Variants in KANSL3 observed in about 807,000 individuals in gnomAD.
KANSL3 encodes KAT8 regulatory NSL complex subunit 3.
A neutral mutation model predicts 89.2 loss-of-function variants in KANSL3; 16 were observed. The ratio of observed to expected loss-of-function variants is 0.18; its 90% CI spans 0.12 to 0.27. The LOEUF (loss-of-function observed/expected upper bound fraction) is 0.27. Among genes scored for constraint, KANSL3 ranks in the 10% least tolerant of loss-of-function variants. The pLI is 1.00. For missense variants in KANSL3, 879 were observed against 1,110.6 expected, an observed-to-expected ratio of 0.79 and a Z score of 2.96; for synonymous variants, 385 against 419.7, an observed-to-expected ratio of 0.92 and a Z score of 1.01.
chr2:96,631,244 T>TCCTAATAA, intron 3 of KANSL3, 68 bp downstream of exon 3: 1 of 1,130,404 alleles, frequency 8.8e-7, no homozygotes, highest in Non-Finnish European at 1.3e-6. Flanking sequence ...TCCTAATAAG[T>TCCTAATAA]GTTATTTCAA....
At chr2:96,628,088 G>C (rs2072727322) in intron 3 of KANSL3, 2 of 1,290,174 alleles carry the variant, frequency 1.6e-6, no homozygotes, top group African/African-American at 1.5e-5. Flanking sequence ...AAGGAGACTG[G>C]AGAAAGATAA....
At chr2:96,625,365 G>C (rs1240509608) in intron 3 of KANSL3, among the ~76,000 whole-genome samples, 2 of 152,180 alleles carry the variant, frequency 1.3e-5, no homozygotes, top group Non-Finnish European at 2.9e-5. Context: ...GTTAAGCAAC[G>C]AATACAATTT....
At chr2:96,605,757 C>T in intron 14 of KANSL3, 2 of 304,470 alleles carry the variant, frequency 6.6e-6, no homozygotes, top group Non-Finnish European at 1.2e-5. Context: ...TCATCCTGCA[C>T]TGGAATCGGA....
chr2:96,628,551 GTTCC>G, intron 3 of KANSL3: 1 of 165,236 alleles, frequency 6.1e-6, no homozygotes. Context: ...GGAGGTTAAG[GTTCC>G]CACCCGGGAG....
At chr2:96,606,721 T>C (rs1052418738) in intron 14 of KANSL3, 6 of 273,460 alleles carry the variant, frequency 2.2e-5, no homozygotes, top group Non-Finnish European at 4.3e-5. Context: ...GCCAAGACCG[T>C]AGTGAAAGAA....
intron 3 of KANSL3, among the ~76,000 whole-genome samples, chr2:96,620,103 C>T (rs568682259): frequency 2.0e-5 from 3 of 152,288 alleles, no homozygotes; most frequent in Admixed American, 1.3e-4. Context: ...CATAAATAAA[C>T]GCACAGCACC....
intron 1 of KANSL3, among the ~76,000 whole-genome samples, chr2:96,637,520 G>GT (rs1283851082): frequency 6.6e-6 from 1 of 152,180 alleles, no homozygotes; most frequent in African/African-American, 2.4e-5. Flanking sequence ...GGCAGGAAGG[G>GT]TTTTGACAAA....
chr2:96,608,897 A>T lies in KANSL3; in HGVS notation c.1551T>A (p.Ala517=), dbSNP rs2068414332. The change falls in exon 13 of 21, where the codon GCT becomes GCA. Residue 517 remains alanine, a synonymous_variant. Coordinates refer to ENST00000431828, the MANE Select transcript of KANSL3 (RefSeq NM_001115016.3). ...PERGSRPASP[A]AKLPASPSGS... is the part of the protein sequence containing the mutation. ...CTGAGGGTGAGGCGGGCAGCTTGGC[A>T]GCTGGGGAGGCAGGTCGACTGCCCC... 2.5e-6 allele frequency: 4 copies of T among 1,579,154 alleles called. No individual in the cohort carries two copies. Among genetic ancestry groups the T allele is most frequent in the Non-Finnish European group, 3.4e-6 (4 of 1,162,682 alleles).
the KANSL3 span, among the ~76,000 whole-genome samples, chr2:96,580,938 C>A: frequency 6.6e-6 from 1 of 152,236 alleles, no homozygotes. Context: ...AGTGCTGCCA[C>A]CTCCTGTTAG....
chr2:96,634,785 G>A (rs980658879), intron 2 of KANSL3, among the ~76,000 whole-genome samples: 5 of 152,170 alleles, frequency 3.3e-5, no homozygotes, highest in Non-Finnish European at 5.9e-5. Context: ...TCTTCTCCAG[G>A]CCAGACATTG....
chr2:96,624,679 G>A (rs1273498291), intron 3 of KANSL3, among the ~76,000 whole-genome samples: 11 of 151,844 alleles, frequency 7.2e-5, no homozygotes, highest in Admixed American at 2.0e-4. Context: ...CCGCCACCAC[G>A]CCCAGCTAAT....
At chr2:96,598,262 A>T in intron 20 of KANSL3, 4 of 283,900 alleles carry the variant, frequency 1.4e-5, no homozygotes, top group African/African-American at 2.3e-5. Flanking sequence ...AGAGGGGAAA[A>T]GCACTTCCCA....
At chr2:96,584,427 C>T in the KANSL3 span, among the ~76,000 whole-genome samples, 3 of 152,164 alleles carry the variant, frequency 2.0e-5, no homozygotes, top group Admixed American at 2.0e-4. Flanking sequence ...ATTGGCATAT[C>T]CAGCACCTCA....
Position 96,636,943 on chromosome 2 carries a change from G to T in KANSL3, c.193C>A (p.Arg65=). The T allele has an allele frequency of 1.3e-6, 2 of 1,540,246 alleles. No homozygotes were observed. The highest frequency in any genetic ancestry group is 2.7e-5 in the African/African-American group (2 of 72,972). The change falls in exon 2 of 21, where the codon CGG becomes AGG. Residue 65 remains arginine, a synonymous_variant. Transcript: ENST00000431828. The part of the protein sequence containing the change: ...RPTRMLFVTP[R]RQHESTIESD... ...CACATGGTACTTTCGTGCTGCCGCC[G>T]GGGAGTGACAAAGAGCATGCGGGTG... is the stretch of plus-strand genomic sequence containing the variant.
At chr2:96,592,211 C>T (rs528856850), downstream of KANSL3, among the ~76,000 whole-genome samples, 1 of 152,148 alleles carries the variant, frequency 6.6e-6, no homozygotes, top group South Asian at 2.1e-4. Flanking sequence ...CTGGACACTC[C>T]AAGCAGCATA....
intron 1 of KANSL3, chr2:96,638,017 CGAG>C: frequency 6.6e-6 from 1 of 152,490 alleles, no homozygotes; most frequent in East Asian, 1.9e-4. Flanking sequence ...GAGTTCGCGA[CGAG>C]GAGGAGCCGC....
At chr2:96,608,201 G>A (rs1291397718) in intron 14 of KANSL3, among the ~76,000 whole-genome samples, 1 of 152,162 alleles carries the variant, frequency 6.6e-6, no homozygotes. Flanking sequence ...TATGATTGGA[G>A]AGCCCCGACT....
chr2:96,599,674 A>G, intron 20 of KANSL3: 1 of 508,826 alleles, frequency 2.0e-6, no homozygotes, highest in Non-Finnish European at 2.5e-6. Flanking sequence ...ACATATATGT[A>G]ATTTGTGTAA....
chr2:96,597,037 T>TAA (rs2066606218), intron 20 of KANSL3, among the ~76,000 whole-genome samples: 1 of 152,214 alleles, frequency 6.6e-6, no homozygotes, highest in Admixed American at 6.5e-5. Flanking sequence ...ACAAAACAGA[T>TAA]AATTAAGTGC....
Sources: gnomAD v4.1 joint callset for allele counts (sites outside exome capture counted in the v4.1 genomes callset) on GRCh38, gnomAD v4.1.1 for gene constraint, MANE v1.5 for transcripts, NCBI Gene and HGNC (gene_info 2026-07-23, HGNC 2026-07-21) for gene names.